ZC3H13: variants seen among roughly 807,000 people sequenced by gnomAD.
ZC3H13 encodes the protein zinc finger CCCH domain-containing protein 13.
ZC3H13 carries 64 observed loss-of-function variants against 204.1 expected under a neutral mutation model. The observed-to-expected ratio is 0.31, with a 90% CI of 0.26 to 0.39. The LOEUF (loss-of-function observed/expected upper bound fraction) is 0.39, where lower values mean the gene tolerates loss of function less well. ZC3H13 is among the 10% of genes least tolerant of loss of function. ZC3H13 has a pLI of 1.00. For missense variants in ZC3H13, 1,833 were observed against 2,082.7 expected, an observed-to-expected ratio of 0.88 and a Z score of 2.33; for synonymous variants, 667 against 693.7, an observed-to-expected ratio of 0.96 and a Z score of 0.60.
At chr13:45,994,447 A>T (rs1188150811) in intron 8 of ZC3H13, among the ~76,000 whole-genome samples, 2 of 152,234 alleles carry the variant, frequency 1.3e-5, no homozygotes, top group Non-Finnish European at 2.9e-5. Flanking sequence ...CCCTTAAATT[A>T]ACCCATCCTT....
intron 7 of ZC3H13, among the ~76,000 whole-genome samples, chr13:46,007,590 G>A (rs776531122): frequency 9.2e-5 from 14 of 152,168 alleles, no homozygotes; most frequent in Non-Finnish European, 1.9e-4. Flanking sequence ...ACTTACTAAA[G>A]TACAGCATTT....
At chr13:46,050,607 C>T (rs1329857188) in intron 1 of ZC3H13, among the ~76,000 whole-genome samples, 6 of 152,146 alleles carry the variant, frequency 3.9e-5, no homozygotes, top group African/African-American at 1.4e-4. Context: ...ATTTATACTT[C>T]ATATTTTTAG....
intron 6 of ZC3H13, among the ~76,000 whole-genome samples, chr13:46,010,805 T>A (rs1385806971): frequency 6.6e-6 from 1 of 150,730 alleles, no homozygotes; most frequent in East Asian, 1.9e-4. Flanking sequence ...GATGGGAGGA[T>A]CCCTTGAGCC....
At chr13:46,044,119 A>C (rs2043775686) in intron 3 of ZC3H13, among the ~76,000 whole-genome samples, 1 of 151,722 alleles carries the variant, frequency 6.6e-6, no homozygotes, top group Non-Finnish European at 1.5e-5. Context: ...TTGAATTTTA[A>C]ATTCTCCTAA....
At chr13:46,020,615 T>A in intron 4 of ZC3H13, 58 bp from the exon 5 acceptor site, 2 of 1,124,662 alleles carry the variant, frequency 1.8e-6, no homozygotes, top group Non-Finnish European at 2.5e-6. Flanking sequence ...ATGAGGTAGT[T>A]TATTGTAATA....
chr13:46,048,110 C>T (rs1454813877), intron 1 of ZC3H13, among the ~76,000 whole-genome samples: 2 of 152,286 alleles, frequency 1.3e-5, no homozygotes, highest in East Asian at 3.9e-4. Flanking sequence ...ATACTTAAAA[C>T]ATTGGTCATC....
intron 6 of ZC3H13, among the ~76,000 whole-genome samples, chr13:46,010,721 A>C (rs1008714860): frequency 1.3e-5 from 2 of 150,682 alleles, no homozygotes; most frequent in African/African-American, 4.9e-5. Context: ...CATAAAAAAA[A>C]CCCTATCTCT....
intron 14 of ZC3H13, 29 bp from the exon 15 acceptor site, chr13:45,968,057 T>G (rs746010094): frequency 6.6e-7 from 1 of 1,520,920 alleles, no homozygotes; most frequent in South Asian, 1.4e-5. Flanking sequence ...ATATAAAGAG[T>G]TATTAGCACA....
At position 45,956,974 on chromosome 13, in the gene ZC3H13, T is replaced by C. The variant is rs1195276746; in HGVS notation, c.*153A>G. 1 of 634,766 alleles carries C rather than the reference T, an allele frequency of 1.6e-6. No homozygotes were observed. Among genetic ancestry groups the C allele is most frequent in the Non-Finnish European group, 2.3e-6 (1 of 438,276 alleles). The allele number at this position is 634,766 out of a possible 1,614,324, so 39.3% of individuals were successfully genotyped here. On this transcript the variant is annotated 3_prime_UTR_variant, in exon 19 of 19. Transcript: ENST00000679008. ...AAAATCTTAAGTTGGCCAAAACTAG[T>C]GTCTCTAAAGATCAAAATTCTTCAC...
intron 4 of ZC3H13, among the ~76,000 whole-genome samples, chr13:46,027,480 A>C (rs1203411782): frequency 6.6e-6 from 1 of 152,234 alleles, no homozygotes; most frequent in Non-Finnish European, 1.5e-5. Flanking sequence ...AAAACGGCTG[A>C]AATTTCTAGA....
Position 45,957,024 on chromosome 13 carries a change from T to C in ZC3H13, c.*103A>G. 1 of 1,075,116 alleles carries C rather than the reference T, an allele frequency of 9.3e-7. No individual in the cohort carries two copies. The highest frequency in any genetic ancestry group is 1.2e-6 in the Non-Finnish European group (1 of 823,438). 66.6% of individuals were successfully genotyped at this position (1,075,116 alleles called of 1,614,324 possible). The stretch of plus-strand genomic sequence containing the variant: ...CTCTTTTAGCATGGCTGATAAATCT[T>C]TTCTGCCTTTGTCACTAATGCTTGT... On this transcript the variant is annotated 3_prime_UTR_variant, in exon 19 of 19. Transcript: ENST00000679008.
intron 5 of ZC3H13, among the ~76,000 whole-genome samples, chr13:46,017,572 T>C (rs1319712): frequency 0.75 from 113,949 of 152,024 alleles, 43,198 homozygotes; most frequent in African/African-American, 0.85. Context: ...GTTAAATGAA[T>C]GAATACATAA....
At chr13:45,968,179 T>G in intron 14 of ZC3H13, 151 bp from the exon 15 acceptor site, 1 of 621,378 alleles carries the variant, frequency 1.6e-6, no homozygotes, top group Non-Finnish European at 2.5e-6. Context: ...ATGTTCTATA[T>G]ATTTCTATAT....
In ZC3H13 at chr13:45,985,451, A is replaced by G. The variant is rs1463665132; in HGVS notation, c.1566T>C (p.Tyr522=). 1 of 1,614,122 alleles carries G rather than the reference A, an allele frequency of 6.2e-7. No individual in the cohort carries two copies. Among genetic ancestry groups the G allele is most frequent in the Admixed American group, 1.7e-5 (1 of 60,022 alleles). The change falls in exon 10 of 19, where the codon TAT becomes TAC. Residue 522 remains tyrosine (Y), a synonymous_variant. Coordinates refer to ENST00000679008, the MANE Select transcript of ZC3H13 (RefSeq NM_001330564.2). ...GRDTHRKEDT[Y]PEESRSYGRN... is the part of the protein sequence containing the mutation. Reference sequence around the variant, plus strand: ...GGCCATAACTCCGGGATTCTTCTGGATATGTATCCTCCTTTCGATGAGTAT... The same window carrying G: ...GGCCATAACTCCGGGATTCTTCTGGGTATGTATCCTCCTTTCGATGAGTAT...
intron 8 of ZC3H13, among the ~76,000 whole-genome samples, chr13:45,990,029 T>C (rs1219204541): frequency 6.6e-6 from 1 of 152,180 alleles, no homozygotes; most frequent in African/African-American, 2.4e-5. Flanking sequence ...ATGATAAACA[T>C]TTTTTTAGTA....
chr13:45,956,185 T>C lies in ZC3H13; in HGVS notation c.*942A>G, dbSNP rs1951265580. On this transcript the variant is annotated 3_prime_UTR_variant, in exon 19 of 19. Coordinates refer to ENST00000679008, the MANE Select transcript of ZC3H13 (RefSeq NM_001330564.2). ...GTTATAGCTCTAAAAAATATGATAGTAGAATATTAAACCTCAGGTTACGTT... is the reference window on the plus strand; with the variant it reads ...GTTATAGCTCTAAAAAATATGATAGCAGAATATTAAACCTCAGGTTACGTT... 6.6e-6 allele frequency: 1 copy of C among 152,174 alleles called. No homozygotes were observed. Among genetic ancestry groups the C allele is most frequent in the Non-Finnish European group, 1.5e-5 (1 of 68,012 alleles). The allele number at this position is 152,174 out of a possible 1,614,324, so 9.4% of individuals were successfully genotyped here. A position where few individuals can be genotyped will look rare whatever the true frequency, so the allele number is the denominator to read the frequency against.
At chr13:46,038,509 G>A (rs1278236125) in intron 4 of ZC3H13, among the ~76,000 whole-genome samples, 3 of 152,212 alleles carry the variant, frequency 2.0e-5, no homozygotes, top group African/African-American at 7.2e-5. Flanking sequence ...CACTGGAGTT[G>A]ACATCAGTGA....
intron 4 of ZC3H13, among the ~76,000 whole-genome samples, chr13:46,030,651 C>G (rs1481305649): frequency 6.6e-6 from 1 of 152,114 alleles, no homozygotes; most frequent in African/African-American, 2.4e-5. Flanking sequence ...AAGTCAATCA[C>G]TTTCCTATAT....
intron 12 of ZC3H13, among the ~76,000 whole-genome samples, chr13:45,974,988 G>A (rs949124649): frequency 2.0e-5 from 3 of 151,856 alleles, no homozygotes; most frequent in Non-Finnish European, 2.9e-5. Context: ...CTGGGATACA[G>A]GCACGTGCCA....
Sources: gnomAD v4.1 joint callset for allele counts (sites outside exome capture counted in the v4.1 genomes callset) on GRCh38, gnomAD v4.1.1 for gene constraint, MANE v1.5 for transcripts, NCBI Gene and HGNC (gene_info 2026-07-23, HGNC 2026-07-21) for gene names.